The following ANTKMT variants were observed in gnomAD, a reference collection of about 807,000 sequenced individuals.
ANTKMT encodes the protein adenine nucleotide translocase lysine N-methyltransferase.
Under a neutral mutation model 20.7 loss-of-function variants are expected in ANTKMT, and 24 were observed. The ratio of observed to expected loss-of-function variants is 1.16; its 90% confidence interval spans 0.84 to 1.63. The LOEUF (loss-of-function observed/expected upper bound fraction) is 1.63. ANTKMT is among the 40% of genes most tolerant of loss of function. ANTKMT has a pLI of 0.00. For synonymous variants in ANTKMT, 193 were observed against 161.2 expected (o/e 1.20, Z -1.49); for missense variants, 428 against 334.8 (o/e 1.28, Z -2.17).
At position 722,435 on chromosome 16, in the gene ANTKMT, G is replaced by A. The variant is rs769055462; in HGVS notation, c.586G>A (p.Ala196Thr). The A allele has an allele frequency of 6.2e-7, 1 of 1,610,046 alleles. No homozygotes were observed. The highest frequency in any genetic ancestry group is 8.5e-7 in the Non-Finnish European group (1 of 1,178,560). The stretch of plus-strand genomic sequence containing the variant: ...TGGCGAGGGCCTGGACCGAGTATGG[G>A]CTTATGATGTTCCTGAGGGTGGGCA... ...AVGEGLDRVW[A>T]YDVPEGGQAG... The change falls in exon 5 of 5, where the codon GCT becomes ACT. Residue 196 changes from alanine (A) to threonine (T), a missense_variant. Transcript: ENST00000569529.
Position 721,348 on chromosome 16 carries a change from A to G in ANTKMT, c.74A>G (p.Gln25Arg), listed in dbSNP as rs2040221308. 7.5e-7 allele frequency: 1 copy of G among 1,341,886 alleles called. No homozygotes were observed. Among genetic ancestry groups the G allele is most frequent in the Non-Finnish European group, 9.6e-7 (1 of 1,047,044 alleles). 83.1% of individuals were successfully genotyped at this position (1,341,886 alleles called of 1,614,324 possible). A position where few individuals can be genotyped will look rare whatever the true frequency, so the allele number is the denominator to read the frequency against. The change falls in exon 1 of 5, where the codon CAG becomes CGG. Residue 25 changes from glutamine to arginine, a missense_variant. Transcript: ENST00000569529. ...CGGCTGGGCGCGCTGGAGCTGCTGC[A>G]GGCGGCGGCCGGCTCGGGCTTGGCA... ...ERRLGALELLQAAAGSGLAAY... is the reference protein window; with the variant it reads ...ERRLGALELLRAAAGSGLAAY...
In ANTKMT at chr16:722,095, G is replaced by T. The variant is rs1290744351; in HGVS notation, c.420G>T (p.Arg140Ser). 1 of 1,607,708 alleles carries T rather than the reference G, an allele frequency of 6.2e-7. No homozygotes were observed. The highest frequency in any genetic ancestry group is 1.3e-5 in the African/African-American group (1 of 74,912). Residue 140 changes from arginine (R) to serine (S), a missense_variant, in exon 4 of 5, where the codon AGG becomes AGT. Coordinates refer to ENST00000569529, the MANE Select transcript of ANTKMT (RefSeq NM_023933.3). ...RRKDLWKVSLRDCRNVSVFLA... is the reference protein window; with the variant it reads ...RRKDLWKVSLSDCRNVSVFLA... ...TTCTCTTCCGGCAGGTGAGCCTGAGGGACTGCCGCAACGTGTCTGTGTTCC... is the reference window on the plus strand; with the variant it reads ...TTCTCTTCCGGCAGGTGAGCCTGAGTGACTGCCGCAACGTGTCTGTGTTCC...
At chr16:722,204 C>G in intron 4 of ANTKMT, 70 bp downstream of exon 4, 1 of 1,587,460 alleles carries the variant, frequency 6.3e-7, no homozygotes, top group South Asian at 1.1e-5. Context: ...GCTCTGAGGC[C>G]TGGGCCTGCC....
Position 721,235 on chromosome 16 carries a change from G to T in ANTKMT, c.-40G>T, listed in dbSNP as rs1437281571. On this transcript the variant is annotated 5_prime_UTR_variant, in exon 1 of 5. Transcript: ENST00000569529. ...GCTGCGAGGGCCGCGGACCCGAGCCGGGAAGGACCTTGGGCGGACGAGCCG... is the reference window on the plus strand; with the variant it reads ...GCTGCGAGGGCCGCGGACCCGAGCCTGGAAGGACCTTGGGCGGACGAGCCG... The T allele has an allele frequency of 8.1e-7, 1 of 1,235,022 alleles. No homozygotes were observed. Among genetic ancestry groups the T allele is most frequent in the South Asian group, 3.0e-5 (1 of 32,998 alleles). The allele number at this position is 1,235,022 out of a possible 1,614,324, so 76.5% of individuals were successfully genotyped here.
chr16:721,759 C>A, intron 2 of ANTKMT, 42 bp from the exon 3 acceptor site: 7 of 1,536,892 alleles, frequency 4.6e-6, no homozygotes, highest in Non-Finnish European at 5.3e-6. Context: ...CTGGCGGGCG[C>A]CCCTGCCCAC....
chr16:721,460 C>T lies in ANTKMT; in HGVS notation c.162+24C>T. ...AGGTGCGGGGCGGGGCCAGGCCGGG[C>T]AGGGGAGCTCGGCTGCCGCTCAGGG... On this transcript the variant is annotated intron_variant, in intron 1 of 4. Transcript: ENST00000569529. The T allele has an allele frequency of 2.9e-6, 4 of 1,361,866 alleles. No individual in the cohort carries two copies. The South Asian group carries it at 5.2e-5, about 18-fold the overall frequency. 84.4% of individuals were successfully genotyped at this position (1,361,866 alleles called of 1,614,324 possible). A position where few individuals can be genotyped will look rare whatever the true frequency, so the allele number is the denominator to read the frequency against.
chr16:721,405 C>T lies in ANTKMT; in HGVS notation c.131C>T (p.Pro44Leu), dbSNP rs2040223465. The T allele has an allele frequency of 7.7e-7, 1 of 1,297,222 alleles. No individual in the cohort carries two copies. The highest frequency in any genetic ancestry group is 9.7e-7 in the Non-Finnish European group (1 of 1,029,024). 80.4% of individuals were successfully genotyped at this position (1,297,222 alleles called of 1,614,324 possible). A position where few individuals can be genotyped will look rare whatever the true frequency, so the allele number is the denominator to read the frequency against. ...GCGGTGTGGGCGCTGCTGCTCCAGC[C>T]CGGCTTCCGGCGCGTGCCGCTGCGG... ...AYAVWALLLQ[P>L]GFRRVPLRLQ... Residue 44 changes from proline (P) to leucine (L), a missense_variant, in exon 1 of 5, where the codon CCC becomes CTC. Coordinates refer to ENST00000569529, the MANE Select transcript of ANTKMT (RefSeq NM_023933.3).
In ANTKMT at chr16:722,324, G is replaced by A; in HGVS notation, c.475G>A (p.Asp159Asn). Residue 159 changes from aspartate to asparagine, a missense_variant, in exon 5 of 5, where the codon GAC becomes AAC. Asp to Asn is a conservative substitution (Grantham distance 23). Coordinates refer to ENST00000569529, the MANE Select transcript of ANTKMT (RefSeq NM_023933.3). ...LAPSVLPLLE[D>N]KLRTELPAGA... ...TCTCCCTCAGCTCCCGCTGCTGGAG[G>A]ACAAGCTGCGGACAGAGCTGCCTGC... 3 of 1,609,044 alleles carry A rather than the reference G, an allele frequency of 1.9e-6. No homozygotes were observed. Among genetic ancestry groups the A allele is most frequent in the Non-Finnish European group, 2.5e-6 (3 of 1,178,464 alleles).
Position 721,636 on chromosome 16 carries a change from C to T in ANTKMT, c.201C>T (p.His67=). ...YVGASARQVE[H]VLSLLRGRPG... is the part of the protein sequence containing the mutation. ...GCGCGAGCGCGCGGCAGGTGGAGCACGTGTTGTCGCTGCTGCGAGGACGCC... is the reference window on the plus strand; with the variant it reads ...GCGCGAGCGCGCGGCAGGTGGAGCATGTGTTGTCGCTGCTGCGAGGACGCC... The change falls in exon 2 of 5, where the codon CAC becomes CAT. Residue 67 remains histidine (H), a synonymous_variant. Transcript: ENST00000569529. 7 of 1,548,170 alleles carry T rather than the reference C, an allele frequency of 4.5e-6. No homozygotes were observed. The highest frequency in any genetic ancestry group is 6.1e-6 in the Non-Finnish European group (7 of 1,147,048).
Position 722,313 on chromosome 16 carries a change from C to A in ANTKMT, c.464C>A (p.Pro155Gln). Residue 155 changes from proline to glutamine, a missense_variant, in exon 5 of 5, where the codon CCG becomes CAG. Transcript: ENST00000569529. Reference protein sequence around the residue: ...VSVFLAPSVLPLLEDKLRTEL... With the variant: ...VSVFLAPSVLQLLEDKLRTEL... ...CTCTGCTGTTCTCTCCCTCAGCTCC[C>A]GCTGCTGGAGGACAAGCTGCGGACA... is the stretch of plus-strand genomic sequence containing the variant. 1 of 1,608,298 alleles carries A rather than the reference C, an allele frequency of 6.2e-7. No homozygotes were observed. The highest frequency in any genetic ancestry group is 1.7e-5 in the Admixed American group (1 of 59,512).
chr16:722,027 C>T (rs1596589061), intron 3 of ANTKMT, 57 bp from the exon 4 acceptor site: 1 of 1,560,506 alleles, frequency 6.4e-7, no homozygotes, highest in Non-Finnish European at 8.6e-7. Flanking sequence ...TCGGAAGCTG[C>T]GATGACCCGG....
chr16:722,519 G>T lies in ANTKMT; in HGVS notation c.670G>T (p.Ala224Ser). ...CCAGGCTGCCCCCGGACCTAGTTCT[G>T]CCCCCATCCCGGGGGGCCTTATTTC... is the stretch of plus-strand genomic sequence containing the variant. Reference protein sequence around the residue: ...PIQAAPGPSSAPIPGGLISQA... With the variant: ...PIQAAPGPSSSPIPGGLISQA... The change falls in exon 5 of 5, where the codon GCC (alanine) becomes TCC (serine). Residue 224 changes from alanine (A) to serine (S), a missense_variant. Transcript: ENST00000569529. 6.4e-7 allele frequency: 1 copy of T among 1,570,338 alleles called. No individual in the cohort carries two copies. Among genetic ancestry groups the T allele is most frequent in the Non-Finnish European group, 8.7e-7 (1 of 1,155,566 alleles).
intron 4 of ANTKMT, 28 bp from the exon 5 acceptor site, chr16:722,281 C>T (rs1265223759): frequency 1.1e-5 from 18 of 1,600,762 alleles, no homozygotes; most frequent in East Asian, 2.3e-5. Flanking sequence ...CGCCCCCGCC[C>T]CCTCTACTCT....
Position 722,154 on chromosome 16 carries a change from C to A in ANTKMT, c.459+20C>A. ...AGCGTGGTAGGTGCGGGGTTGCCAGCCCCGCTGGGAAGCCCCAGCCACACC... is the reference window on the plus strand; with the variant it reads ...AGCGTGGTAGGTGCGGGGTTGCCAGACCCGCTGGGAAGCCCCAGCCACACC... On this transcript the variant is annotated intron_variant, in intron 4 of 4. Coordinates refer to ENST00000569529, the MANE Select transcript of ANTKMT (RefSeq NM_023933.3). 6.2e-7 allele frequency: 1 copy of A among 1,601,960 alleles called. No individual in the cohort carries two copies. Among genetic ancestry groups the A allele is most frequent in the Non-Finnish European group, 8.5e-7 (1 of 1,176,794 alleles).
At position 721,595 on chromosome 16, in the gene ANTKMT, C is replaced by A; in HGVS notation, c.163-3C>A. The A allele has an allele frequency of 6.5e-7, 1 of 1,541,804 alleles. No homozygotes were observed. Among genetic ancestry groups the A allele is most frequent in the South Asian group, 1.2e-5 (1 of 83,414 alleles). ...AGTGGACTCTCGCCGCCACCCGGTC[C>A]AGGTGCCCTACGTCGGCGCGAGCGC... On this transcript the variant is annotated splice_polypyrimidine_tract_variant and splice_region_variant and intron_variant, in intron 1 of 4. Coordinates refer to ENST00000569529, the MANE Select transcript of ANTKMT (RefSeq NM_023933.3).
rs370792065 is a variant in ANTKMT at position 722,507 on chromosome 16, G to C, written c.658G>C (p.Gly220Arg). 1.2e-6 allele frequency: 2 copies of C among 1,612,306 alleles called. No homozygotes were observed. Among genetic ancestry groups the C allele is most frequent in the East Asian group, 4.5e-5 (2 of 44,874 alleles). ...GCGGATACCCATCCAGGCTGCCCCCGGACCTAGTTCTGCCCCCATCCCGGG... is the reference window on the plus strand; with the variant it reads ...GCGGATACCCATCCAGGCTGCCCCCCGACCTAGTTCTGCCCCCATCCCGGG... ...SSRIPIQAAP[G>R]PSSAPIPGGL... is the part of the protein sequence containing the mutation. The change falls in exon 5 of 5, where the codon GGA becomes CGA. Residue 220 changes from glycine (G) to arginine (R), a missense_variant. Physicochemically the swap from Gly to Arg is moderately radical, Grantham distance 125 (BLOSUM62 -2). Coordinates refer to ENST00000569529, the MANE Select transcript of ANTKMT (RefSeq NM_023933.3).
chr16:722,202 G>T (rs1272042833), intron 4 of ANTKMT, 68 bp downstream of exon 4: 1 of 1,586,928 alleles, frequency 6.3e-7, no homozygotes, highest in Non-Finnish European at 8.5e-7. Flanking sequence ...CTGCTCTGAG[G>T]CCTGGGCCTG....
chr16:721,268 C>A lies in ANTKMT; in HGVS notation c.-7C>A. The A allele has an allele frequency of 7.8e-7, 1 of 1,275,458 alleles. No individual in the cohort carries two copies. The highest frequency in any genetic ancestry group is 3.3e-5 in the East Asian group (1 of 30,234). 79.0% of individuals were successfully genotyped at this position (1,275,458 alleles called of 1,614,324 possible). On this transcript the variant is annotated 5_prime_UTR_variant, in exon 1 of 5. Transcript: ENST00000569529. ...CCTTGGGCGGACGAGCCGCGCGTCC[C>A]GCAGCCATGGAGCAGGACGACCCGG...
chr16:722,452 G>A lies in ANTKMT; in HGVS notation c.603G>A (p.Glu201=), dbSNP rs767102033. The A allele has an allele frequency of 1.5e-5, 24 of 1,611,210 alleles. No homozygotes were observed. Among genetic ancestry groups the A allele is most frequent in the Non-Finnish European group, 1.4e-5 (17 of 1,179,318 alleles). Residue 201 remains glutamate (E), a synonymous_variant, in exon 5 of 5, where the codon GAG becomes GAA. Coordinates refer to ENST00000569529, the MANE Select transcript of ANTKMT (RefSeq NM_023933.3). ...GAGTATGGGCTTATGATGTTCCTGA[G>A]GGTGGGCAGGCTGGGGAGGCCGCCT... The part of the protein sequence containing the change: ...LDRVWAYDVP[E]GGQAGEAASS...
Sources: allele counts gnomAD v4.1 joint callset, GRCh38; gene constraint gnomAD v4.1.1; transcripts MANE v1.5; gene names NCBI Gene and HGNC (gene_info 2026-07-23, HGNC 2026-07-21).